CAMTA1: variants seen among roughly 807,000 people sequenced by gnomAD.
CAMTA1 encodes the protein calmodulin-binding transcription activator 1.
CAMTA1 carries 27 observed loss-of-function variants against 170.9 expected under a neutral mutation model. The observed-to-expected ratio is 0.16, with a 90% CI of 0.12 to 0.22. CAMTA1 has a LOEUF of 0.22. Ranked by LOEUF, CAMTA1 falls within the 10% of genes least tolerant of loss-of-function variation. The probability of loss-of-function intolerance (pLI) is 1.00; values close to 1 mark genes in which losing one functional copy is unlikely to be tolerated. For synonymous variants in CAMTA1, 833 were observed against 891.5 expected, an observed-to-expected ratio of 0.93 and a Z score of 1.17; for missense variants, 1,619 against 2,217.2, an observed-to-expected ratio of 0.73 and a Z score of 5.42.
At chr1:7,615,892 G>A (rs1207886064) in intron 6 of CAMTA1, among the ~76,000 whole-genome samples, 1 of 152,232 alleles carries the variant, frequency 6.6e-6, no homozygotes, top group African/African-American at 2.4e-5. Flanking sequence ...TGCTGAGAAG[G>A]CCTCCTCAGG....
In CAMTA1 at chr1:6,902,208, C is replaced by T. The variant is rs60496630; in HGVS notation, c.234+76998C>T. 9.1e-3 allele frequency among the ~76,000 whole-genome samples: 1,384 copies of T among 152,178 alleles called. 15 individuals are homozygous for T. Among genetic ancestry groups the T allele is most frequent in the African/African-American group, 0.031 (1,280 of 41,518 alleles). ...TACAAATCTGCATTTACAGCAAGACCCAGCAATCCCACTTCTAGGTATTTA... is the reference window on the plus strand; with the variant it reads ...TACAAATCTGCATTTACAGCAAGACTCAGCAATCCCACTTCTAGGTATTTA... On this transcript the variant is annotated intron_variant, in intron 3 of 22. Transcript: ENST00000303635.
At chr1:7,206,629 G>T (rs756872873) in intron 4 of CAMTA1, among the ~76,000 whole-genome samples, 1 of 152,048 alleles carries the variant, frequency 6.6e-6, no homozygotes, top group Non-Finnish European at 1.5e-5. Flanking sequence ...TATATCACAG[G>T]ATATTTATCT....
chr1:6,909,487 G>C (rs1452915174), intron 3 of CAMTA1, among the ~76,000 whole-genome samples: 1 of 152,236 alleles, frequency 6.6e-6, no homozygotes, highest in East Asian at 1.9e-4. Flanking sequence ...CTCAGGTTGG[G>C]GCGGGGGGCC....
chr1:7,162,440 C>T (rs1189145113), intron 4 of CAMTA1, among the ~76,000 whole-genome samples: 2 of 152,140 alleles, frequency 1.3e-5, no homozygotes, highest in African/African-American at 2.4e-5. Flanking sequence ...ACCCTGTACC[C>T]ATCAGCAGGC....
At chr1:6,813,631 T>A (rs1645441973) in intron 1 of CAMTA1, among the ~76,000 whole-genome samples, 1 of 152,122 alleles carries the variant, frequency 6.6e-6, no homozygotes, top group African/African-American at 2.4e-5. Flanking sequence ...TTTTAAAAAT[T>A]TTTTTTAGAG....
intron 5 of CAMTA1, among the ~76,000 whole-genome samples, chr1:7,347,553 T>C (rs562503634): frequency 1.3e-5 from 2 of 152,234 alleles, no homozygotes; most frequent in African/African-American, 4.8e-5. Context: ...TTGGTTTCCA[T>C]AGCAAATTAC....
At chr1:7,503,047 G>C (rs1201418769) in intron 6 of CAMTA1, among the ~76,000 whole-genome samples, 2 of 152,218 alleles carry the variant, frequency 1.3e-5, no homozygotes, top group African/African-American at 2.4e-5. Flanking sequence ...CTGGCACACA[G>C]AGTGGGGTCA....
intron 6 of CAMTA1, among the ~76,000 whole-genome samples, chr1:7,492,709 GCA>G (rs1298724750): frequency 1.2e-4 from 14 of 119,010 alleles, no homozygotes; most frequent in African/African-American, 1.7e-4. Context: ...ACACACGCAG[GCA>G]CACACACAAA....
At chr1:7,408,183 A>C (rs1326953106) in intron 5 of CAMTA1, among the ~76,000 whole-genome samples, 2 of 120,068 alleles carry the variant, frequency 1.7e-5, no homozygotes, top group African/African-American at 6.6e-5. Context: ...CAAGTGGCTC[A>C]GGGGGAAATC....
chr1:7,466,288 A>G (rs78670292), intron 5 of CAMTA1, among the ~76,000 whole-genome samples: 14,848 of 152,328 alleles, frequency 0.097, 793 homozygotes, highest in Middle Eastern at 0.15. Flanking sequence ...AATACATTTC[A>G]TGGGCAAGAA....
chr1:7,181,708 G>A (rs1172595414), intron 4 of CAMTA1, among the ~76,000 whole-genome samples: 1 of 152,090 alleles, frequency 6.6e-6, no homozygotes, highest in Non-Finnish European at 1.5e-5. Context: ...TGAAAGATGT[G>A]AAAGTAGTCT....
intron 3 of CAMTA1, among the ~76,000 whole-genome samples, chr1:6,988,910 T>C (rs1412883943): frequency 6.6e-6 from 1 of 152,226 alleles, no homozygotes; most frequent in East Asian, 1.9e-4. Context: ...AGCACTGGAC[T>C]GACTGAGTCT....
At chr1:7,217,741 T>C (rs977173240) in intron 4 of CAMTA1, among the ~76,000 whole-genome samples, 5 of 152,186 alleles carry the variant, frequency 3.3e-5, no homozygotes. Flanking sequence ...CAGTTGTTAA[T>C]GGAGTCTCTT....
intron 3 of CAMTA1, among the ~76,000 whole-genome samples, chr1:6,860,875 G>T (rs879319322): frequency 6.6e-6 from 1 of 151,410 alleles, no homozygotes; most frequent in African/African-American, 2.4e-5. Flanking sequence ...TTGTGTCATT[G>T]CCCTCCAGCC....
chr1:7,608,971 G>C (rs184680169), intron 6 of CAMTA1, among the ~76,000 whole-genome samples: 5 of 152,266 alleles, frequency 3.3e-5, no homozygotes, highest in Non-Finnish European at 7.4e-5. Context: ...GAAATTCTAA[G>C]CAGAAGTGAG....
In CAMTA1 at chr1:7,664,894, G is replaced by T. The variant is rs370719100; in HGVS notation, c.2347G>T (p.Val783Leu). 19 of 1,613,126 alleles carry T rather than the reference G, an allele frequency of 1.2e-5. No homozygotes were observed. Among genetic ancestry groups the T allele is most frequent in the Non-Finnish European group, 1.5e-5 (18 of 1,180,014 alleles). ...CGACCTGATCAACGACTTCATCTCC[G>T]TGGAGGGGGGCAGCAGCACCATCTA... is the stretch of plus-strand genomic sequence containing the variant. ...FSDLINDFIS[V>L]EGGSSTIYGH... Residue 783 changes from valine (V) to leucine (L), a missense_variant, in exon 9 of 23, where the codon GTG (valine) becomes TTG (leucine). Transcript: ENST00000303635.
chr1:6,788,813 G>C (rs1017719834), intron 1 of CAMTA1, among the ~76,000 whole-genome samples: 40 of 152,132 alleles, frequency 2.6e-4, no homozygotes, highest in Non-Finnish European at 3.2e-4. Flanking sequence ...GTCTGAAGCT[G>C]GGCCCTTTTT....
intron 4 of CAMTA1, among the ~76,000 whole-genome samples, chr1:7,126,502 T>A (rs1644940515): frequency 6.6e-6 from 1 of 152,174 alleles, no homozygotes; most frequent in African/African-American, 2.4e-5. Flanking sequence ...ATTGGAAAAA[T>A]TTAAATATTG....
In CAMTA1 at chr1:7,265,371, T is replaced by C. The variant is rs115991465; in HGVS notation, c.438+15745T>C. On this transcript the variant is annotated intron_variant, in intron 5 of 22. Transcript: ENST00000303635. ...CTCTGTCTCCGAGGTTAGAATGTAG[T>C]AGCACTATCTCAGCTCACTGCAACC... Among the ~76,000 whole-genome samples the C allele has an allele frequency of 3.5e-3, 534 of 152,294 alleles. 3 individuals are homozygous for C. Among genetic ancestry groups the C allele is most frequent in the African/African-American group, 0.012 (487 of 41,570 alleles).
Sources: gnomAD v4.1 joint callset for allele counts (sites outside exome capture counted in the v4.1 genomes callset) on GRCh38, gnomAD v4.1.1 for gene constraint, MANE v1.5 for transcripts, NCBI Gene and HGNC (gene_info 2026-07-23, HGNC 2026-07-21) for gene names.